The following QTMAN variants were observed in gnomAD, a reference collection of about 807,000 sequenced individuals.
QTMAN encodes the protein tRNA-queuosine alpha-mannosyltransferase.
the QTMAN span, among the ~76,000 whole-genome samples, chr2:144,248,736 C>A: frequency 6.7e-6 from 1 of 149,932 alleles, no homozygotes; most frequent in African/African-American, 2.4e-5. Context: ...TGAGTAAAGT[C>A]TTTTTTTAAC....
chr2:144,315,965 T>G, the QTMAN span, among the ~76,000 whole-genome samples: 1 of 152,188 alleles, frequency 6.6e-6, no homozygotes, highest in Non-Finnish European at 1.5e-5. Context: ...CACATCATTT[T>G]GCTCTATATC....
At chr2:144,001,719 AG>A in the QTMAN span, among the ~76,000 whole-genome samples, 1 of 151,946 alleles carries the variant, frequency 6.6e-6, no homozygotes, top group African/African-American at 2.4e-5. Flanking sequence ...TCTGTATCCT[AG>A]GGCTTCCTAG....
chr2:144,160,489 C>T, the QTMAN span, among the ~76,000 whole-genome samples: 36 of 152,152 alleles, frequency 2.4e-4, no homozygotes, highest in African/African-American at 7.2e-4. Context: ...ATGAGTATTA[C>T]ATGGCAAAGT....
chr2:144,083,656 T>C, the QTMAN span, among the ~76,000 whole-genome samples: 1 of 152,176 alleles, frequency 6.6e-6, no homozygotes, highest in Non-Finnish European at 1.5e-5. Context: ...CTACCAACAA[T>C]ATAATAATGA....
At chr2:143,966,200 C>A in the QTMAN span, among the ~76,000 whole-genome samples, 1 of 152,138 alleles carries the variant, frequency 6.6e-6, no homozygotes, top group Non-Finnish European at 1.5e-5. Flanking sequence ...TGGTTTCAGG[C>A]GAGTGACTTA....
chr2:144,186,511 T>C, the QTMAN span, among the ~76,000 whole-genome samples: 1 of 152,204 alleles, frequency 6.6e-6, no homozygotes, highest in African/African-American at 2.4e-5. Flanking sequence ...CATAGATGTA[T>C]GTGGGTTTTA....
the QTMAN span, among the ~76,000 whole-genome samples, chr2:144,259,146 A>G: frequency 6.6e-6 from 1 of 151,828 alleles, no homozygotes; most frequent in Non-Finnish European, 1.5e-5. Flanking sequence ...TAGCAACTAG[A>G]CCTCTTGCTT....
the QTMAN span, among the ~76,000 whole-genome samples, chr2:144,124,798 C>G: frequency 6.6e-6 from 1 of 152,236 alleles, no homozygotes; most frequent in Non-Finnish European, 1.5e-5. Context: ...CAATCTGACA[C>G]CATTTGCTTC....
the QTMAN span, among the ~76,000 whole-genome samples, chr2:144,313,765 A>G: frequency 6.6e-6 from 1 of 151,544 alleles, no homozygotes; most frequent in African/African-American, 2.4e-5. Context: ...AATCAATCTT[A>G]TTATCATTAG....
the QTMAN span, among the ~76,000 whole-genome samples, chr2:144,222,782 T>C: frequency 6.6e-6 from 1 of 152,058 alleles, no homozygotes; most frequent in Non-Finnish European, 1.5e-5. Flanking sequence ...CATTCCAGCC[T>C]AGGCGACAGA....
chr2:143,978,666 T>C, the QTMAN span, among the ~76,000 whole-genome samples: 12 of 152,304 alleles, frequency 7.9e-5, no homozygotes, highest in East Asian at 1.9e-3. Context: ...GCAGTCACCA[T>C]CCCACATAAT....
the QTMAN span, among the ~76,000 whole-genome samples, chr2:144,281,065 A>AC: frequency 2.7e-5 from 1 of 37,590 alleles, no homozygotes; most frequent in Middle Eastern, 0.016. Flanking sequence ...CCCCGCCCCC[A>AC]CCCCACAACA....
the QTMAN span, chr2:144,145,811 T>G: frequency 8.0e-7 from 1 of 1,242,842 alleles, no homozygotes; most frequent in Non-Finnish European, 1.1e-6. Flanking sequence ...TCTTCTCTCC[T>G]CTTTCCTCTT....
chr2:144,093,722 G>A, the QTMAN span, among the ~76,000 whole-genome samples: 1 of 152,294 alleles, frequency 6.6e-6, no homozygotes, highest in Admixed American at 6.5e-5. Flanking sequence ...AGGGTCAGGG[G>A]AGTTGTTATC....
At chr2:144,173,935 G>C in the QTMAN span, among the ~76,000 whole-genome samples, 2 of 152,078 alleles carry the variant, frequency 1.3e-5, no homozygotes, top group African/African-American at 2.4e-5. Flanking sequence ...CCATAGTCCA[G>C]CTCACTTCAC....
chr2:144,076,884 T>G, the QTMAN span, among the ~76,000 whole-genome samples: 1 of 152,036 alleles, frequency 6.6e-6, no homozygotes, highest in South Asian at 2.1e-4. Context: ...TTTGAGATGC[T>G]GAGGCAGGAG....
At chr2:144,318,422 T>C in the QTMAN span, among the ~76,000 whole-genome samples, 4 of 152,108 alleles carry the variant, frequency 2.6e-5, no homozygotes, top group Admixed American at 2.6e-4. Context: ...TTCAAAAGAG[T>C]TTAAGGTATT....
chr2:144,230,969 T>TCC, the QTMAN span, among the ~76,000 whole-genome samples: 1 of 152,166 alleles, frequency 6.6e-6, no homozygotes, highest in Non-Finnish European at 1.5e-5. Context: ...AAAGAGGAAC[T>TCC]CATATGGTAC....
the QTMAN span, among the ~76,000 whole-genome samples, chr2:144,221,029 T>C: frequency 5.9e-5 from 9 of 152,306 alleles, no homozygotes; most frequent in African/African-American, 2.2e-4. Context: ...AGTACTTGTA[T>C]GTTACAAGAG....
Sources: gnomAD v4.1 joint callset for allele counts (sites outside exome capture counted in the v4.1 genomes callset) on GRCh38, gnomAD v4.1.1 for gene constraint, MANE v1.5 for transcripts, NCBI Gene and HGNC (gene_info 2026-07-23, HGNC 2026-07-21) for gene names.